Variants in CDH4 observed in about 807,000 individuals in gnomAD.
CDH4 encodes cadherin 4.
Under a neutral mutation model 86.0 loss-of-function variants are expected in CDH4, and 33 were observed. That is an observed-to-expected ratio of 0.38 (90% confidence interval 0.29 to 0.51). The LOEUF is 0.51. Ranked by LOEUF, CDH4 falls within the 20% of genes least tolerant of loss-of-function variation. The pLI is 0.86. For missense variants in CDH4, 1,114 were observed against 1,307.4 expected (o/e 0.85, Z 2.28); for synonymous variants, 555 against 549.4 (o/e 1.01, Z -0.14).
intron 8 of CDH4, among the ~76,000 whole-genome samples, chr20:61,904,361 G>T (rs2054764986): frequency 6.6e-6 from 1 of 152,168 alleles, no homozygotes; most frequent in Non-Finnish European, 1.5e-5. Context: ...ATGTGGGACA[G>T]GGTGTGCCCT....
intron 11 of CDH4, among the ~76,000 whole-genome samples, chr20:61,927,749 C>T (rs11905513): frequency 6.6e-6 from 1 of 152,250 alleles, no homozygotes; most frequent in Admixed American, 6.5e-5. Context: ...GGGAGTGAGT[C>T]CCCGGTGCGT....
At chr20:61,519,023 C>T (rs1272264652) in intron 2 of CDH4, among the ~76,000 whole-genome samples, 4 of 145,724 alleles carry the variant, frequency 2.7e-5, no homozygotes, top group Non-Finnish European at 6.0e-5. Flanking sequence ...GATGCACACT[C>T]ATGAAGCCCT....
At chr20:61,308,949 G>A (rs1485265321) in intron 2 of CDH4, among the ~76,000 whole-genome samples, 1 of 152,270 alleles carries the variant, frequency 6.6e-6, no homozygotes, top group Non-Finnish European at 1.5e-5. Context: ...GATCTGATGG[G>A]AAGTCCAGCA....
intron 2 of CDH4, among the ~76,000 whole-genome samples, chr20:61,468,747 C>G (rs190626063): frequency 9.9e-5 from 15 of 152,268 alleles, no homozygotes; most frequent in African/African-American, 3.6e-4. Context: ...CTTCTACTCT[C>G]TATCTCCATG....
chr20:61,604,567 T>C (rs1251702367), intron 2 of CDH4, among the ~76,000 whole-genome samples: 2 of 151,758 alleles, frequency 1.3e-5, no homozygotes, highest in African/African-American at 2.4e-5. Flanking sequence ...CCCCACCTCG[T>C]GGGTAAGAAG....
chr20:61,579,010 G>A (rs1024877166), intron 2 of CDH4, among the ~76,000 whole-genome samples: 7 of 152,102 alleles, frequency 4.6e-5, no homozygotes, highest in Non-Finnish European at 8.8e-5. Context: ...GACCCTGACC[G>A]TGTGCTGAGG....
chr20:61,500,458 C>T (rs756822000), intron 2 of CDH4, among the ~76,000 whole-genome samples: 3 of 152,342 alleles, frequency 2.0e-5, no homozygotes, highest in Middle Eastern at 3.4e-3. Context: ...AGTGTCTTTC[C>T]ACCTGGGTGG....
At chr20:61,900,099 G>A (rs1010839192) in intron 8 of CDH4, among the ~76,000 whole-genome samples, 1 of 151,478 alleles carries the variant, frequency 6.6e-6, no homozygotes, top group Non-Finnish European at 1.5e-5. Context: ...CAGGCTACTG[G>A]CCAGCCTCAG....
Position 61,810,338 on chromosome 20 carries a change from T to A in CDH4, c.577-34330T>A, listed in dbSNP as rs1177017035. Among the ~76,000 whole-genome samples the A allele has an allele frequency of 6.6e-6, 1 of 152,196 alleles. No homozygotes were observed. Among genetic ancestry groups the A allele is most frequent in the African/African-American group, 2.4e-5 (1 of 41,458 alleles). On this transcript the variant is annotated intron_variant, in intron 4 of 15. Transcript: ENST00000614565. This position sits in a 1 kb window ranked among gnomAD's most constrained non-coding sequence, Gnocchi z 4.3. ...GCTGTCGTCCCCCCCATGAGCCTGC[T>A]GTGTGTGTCTGTGACAGAGTTCCTT...
chr20:61,810,325 C>G lies in CDH4; in HGVS notation c.577-34343C>G, dbSNP rs148090185. Among the ~76,000 whole-genome samples, 1 of 152,212 alleles carries G rather than the reference C, an allele frequency of 6.6e-6. No homozygotes were observed. The highest frequency in any genetic ancestry group is 2.1e-4 in the South Asian group (1 of 4,836). On this transcript the variant is annotated intron_variant, in intron 4 of 15. Coordinates refer to ENST00000614565, the MANE Select transcript of CDH4 (RefSeq NM_001794.5). This position sits in a 1 kb window ranked among gnomAD's most constrained non-coding sequence, Gnocchi z 4.3. ...GCGGCTGTGCCAGGCTGTCGTCCCC[C>G]CCATGAGCCTGCTGTGTGTGTCTGT...
chr20:61,344,333 C>A (rs2084665223), intron 2 of CDH4, among the ~76,000 whole-genome samples: 2 of 152,158 alleles, frequency 1.3e-5, no homozygotes, highest in Non-Finnish European at 2.9e-5. Flanking sequence ...TTTGCATGTT[C>A]ATTTGGGAAT....
At chr20:61,691,526 CACTTA>C (rs1460163470) in intron 2 of CDH4, among the ~76,000 whole-genome samples, 7 of 152,138 alleles carry the variant, frequency 4.6e-5, no homozygotes. Flanking sequence ...AGTCACACTT[CACTTA>C]ATGACAGGGA....
At chr20:61,885,716 G>A (rs1031057756) in intron 7 of CDH4, among the ~76,000 whole-genome samples, 2 of 152,174 alleles carry the variant, frequency 1.3e-5, no homozygotes, top group African/African-American at 2.4e-5. Flanking sequence ...TGTTTTCCGT[G>A]GTGCCTGCAC....
Position 61,326,481 on chromosome 20 carries a change from A to G in CDH4, c.169+71544A>G, listed in dbSNP as rs563518894. Among the ~76,000 whole-genome samples the G allele has an allele frequency of 2.0e-5, 3 of 152,382 alleles. No homozygotes were observed. In the South Asian group the frequency reaches 6.2e-4, roughly 32 times the overall value. On this transcript the variant is annotated intron_variant, in intron 2 of 15. Transcript: ENST00000614565. ...GACATTTTAGTCAATCAATGGTGCA[A>G]GCATCACCCTGAATCTGTCACAGCA... is the stretch of plus-strand genomic sequence containing the variant.
intron 2 of CDH4, among the ~76,000 whole-genome samples, chr20:61,281,975 G>C (rs1281579948): frequency 6.6e-6 from 1 of 152,206 alleles, no homozygotes; most frequent in Non-Finnish European, 1.5e-5. Context: ...GCAGCACACT[G>C]GGGGTTGGGC....
At chr20:61,357,164 T>A (rs748528737) in intron 2 of CDH4, among the ~76,000 whole-genome samples, 31 of 152,216 alleles carry the variant, frequency 2.0e-4, no homozygotes, top group Non-Finnish European at 3.7e-4. Flanking sequence ...CCTTCCTGTG[T>A]TGAGCTGAAA....
intron 2 of CDH4, among the ~76,000 whole-genome samples, chr20:61,430,436 G>A (rs975174851): frequency 6.6e-6 from 1 of 152,186 alleles, no homozygotes; most frequent in Non-Finnish European, 1.5e-5. Context: ...AGCCAAAACA[G>A]TTTGATGTGT....
At chr20:61,646,166 C>A (rs1166733534) in intron 2 of CDH4, among the ~76,000 whole-genome samples, 1 of 152,050 alleles carries the variant, frequency 6.6e-6, no homozygotes, top group Admixed American at 6.6e-5. Context: ...GTGTGATTCC[C>A]GCGGTGGGAA....
chr20:61,786,341 G>A (rs952596854), intron 4 of CDH4, among the ~76,000 whole-genome samples: 15 of 152,060 alleles, frequency 9.9e-5, no homozygotes, highest in South Asian at 2.1e-4. Flanking sequence ...GAACACGATC[G>A]CCCTGCTGCA....
Sources: allele counts gnomAD v4.1 joint callset (sites outside exome capture counted in the v4.1 genomes callset), GRCh38; gene constraint gnomAD v4.1.1; non-coding constraint Gnocchi (gnomAD v3.1); transcripts MANE v1.5; gene names NCBI Gene and HGNC (gene_info 2026-07-23, HGNC 2026-07-21).